CSMD1: variants seen among roughly 807,000 people sequenced by gnomAD.
CSMD1 encodes CUB and Sushi multiple domains 1.
Under a neutral mutation model 417.5 loss-of-function variants are expected in CSMD1, and 213 were observed. That is an observed-to-expected ratio of 0.51 (90% CI 0.46 to 0.57). The LOEUF is 0.57. Among genes scored for constraint, CSMD1 ranks in the 20% least tolerant of loss-of-function variants. CSMD1 has a pLI of 0.00. For missense variants in CSMD1, 6,923 were observed against 4,529.7 expected, an observed-to-expected ratio of 1.53 and a Z score of -15.17; for synonymous variants, 2,862 against 1,736.8, an observed-to-expected ratio of 1.65 and a Z score of -16.11.
intron 2 of CSMD1, among the ~76,000 whole-genome samples, chr8:4,595,296 G>C: frequency 6.6e-6 from 1 of 151,684 alleles, no homozygotes; most frequent in East Asian, 1.9e-4. Context: ...AAAGGAAAGA[G>C]TAGATAAAGG....
intron 25 of CSMD1, among the ~76,000 whole-genome samples, chr8:3,291,345 A>G (rs1211162722): frequency 3.4e-5 from 3 of 87,174 alleles, no homozygotes. Flanking sequence ...CCCATAAAAT[A>G]AGTTAGGGAG....
intron 2 of CSMD1, among the ~76,000 whole-genome samples, chr8:4,620,055 A>C (rs549016284): frequency 1.2e-4 from 18 of 152,058 alleles, no homozygotes; most frequent in Non-Finnish European, 1.5e-4. Flanking sequence ...TGGTGAATGA[A>C]ATATTTATTA....
chr8:3,957,940 C>G (rs948927659), intron 5 of CSMD1, among the ~76,000 whole-genome samples: 5 of 152,086 alleles, frequency 3.3e-5, no homozygotes, highest in African/African-American at 1.2e-4. Context: ...GGCAGCAAAT[C>G]CTGCAGGGTA....
At chr8:3,528,344 G>T (rs886902149) in intron 10 of CSMD1, among the ~76,000 whole-genome samples, 1 of 152,146 alleles carries the variant, frequency 6.6e-6, no homozygotes, top group African/African-American at 2.4e-5. Context: ...TTATACCAAA[G>T]GAAAGGTGAC....
At chr8:3,101,166 A>C (rs1400126239) in intron 46 of CSMD1, among the ~76,000 whole-genome samples, 1 of 151,778 alleles carries the variant, frequency 6.6e-6, no homozygotes, top group Non-Finnish European at 1.5e-5. Flanking sequence ...GTCAGGTCCT[A>C]GTCTAGCTTT....
intron 1 of CSMD1, among the ~76,000 whole-genome samples, chr8:4,698,557 G>C (rs1563165960): frequency 6.6e-6 from 1 of 151,290 alleles, no homozygotes; most frequent in Non-Finnish European, 1.5e-5. Context: ...GACAGGGACA[G>C]ATTTAAAGAT....
chr8:4,942,410 G>GGAATT (rs1808068092), intron 1 of CSMD1, among the ~76,000 whole-genome samples: 1 of 151,874 alleles, frequency 6.6e-6, no homozygotes, highest in Admixed American at 6.6e-5. Context: ...TTGTACTGGA[G>GGAATT]GAATTCACAG....
chr8:4,965,776 A>G (rs1563889183), intron 1 of CSMD1, among the ~76,000 whole-genome samples: 1 of 152,232 alleles, frequency 6.6e-6, no homozygotes. Flanking sequence ...AAAACTGCCC[A>G]GAATTCAATC....
At chr8:3,751,586 G>T (rs573012665) in intron 6 of CSMD1, among the ~76,000 whole-genome samples, 1 of 150,736 alleles carries the variant, frequency 6.6e-6, no homozygotes, top group South Asian at 2.1e-4. Context: ...TAATGTAGTT[G>T]TATTGTTTAT....
chr8:4,449,775 G>T (rs964299542), intron 2 of CSMD1, among the ~76,000 whole-genome samples: 2 of 152,068 alleles, frequency 1.3e-5, no homozygotes, highest in Admixed American at 6.5e-5. Context: ...GTTGGGAGCA[G>T]CTATGTTTGG....
intron 1 of CSMD1, among the ~76,000 whole-genome samples, chr8:4,658,919 T>C (rs572334588): frequency 6.6e-6 from 1 of 152,286 alleles, no homozygotes; most frequent in Non-Finnish European, 1.5e-5. Context: ...AATACGTTGA[T>C]ATTAATAGAA....
At chr8:3,039,002 A>G (rs12550628) in intron 50 of CSMD1, among the ~76,000 whole-genome samples, 75,578 of 151,974 alleles carry the variant, frequency 0.5, 19,088 homozygotes, top group Non-Finnish European at 0.53. Flanking sequence ...GGCGACAAGC[A>G]GACTAGGTCA....
rs190048229 is a variant in CSMD1, at chr8:4,592,046, T to C, written c.302+45296A>G. Among the ~76,000 whole-genome samples the C allele has an allele frequency of 4.2e-3, 634 of 152,166 alleles. 4 individuals carry two copies. Among genetic ancestry groups the C allele is most frequent in the African/African-American group, 0.015 (604 of 41,496 alleles). On this transcript the variant is annotated intron_variant, in intron 2 of 69. Transcript: ENST00000635120. ...GGACCAGTGAATTTCTTATGGACCA[T>C]TGCATCTGAGGTACCGGAGGGACGT...
chr8:3,681,651 G>C (rs192984273), intron 7 of CSMD1, among the ~76,000 whole-genome samples: 3 of 152,222 alleles, frequency 2.0e-5, no homozygotes, highest in East Asian at 3.9e-4. Flanking sequence ...TCCCCATCAA[G>C]CTACCAATGA....
intron 68 of CSMD1, among the ~76,000 whole-genome samples, chr8:2,945,031 G>A (rs1802124376): frequency 1.3e-5 from 2 of 151,846 alleles, no homozygotes; most frequent in Non-Finnish European, 2.9e-5. Flanking sequence ...CATGCCTGCA[G>A]CTCCTAGTTA....
At chr8:3,404,843 A>C (rs1812249829) in intron 15 of CSMD1, among the ~76,000 whole-genome samples, 1 of 152,162 alleles carries the variant, frequency 6.6e-6, no homozygotes, top group Admixed American at 6.6e-5. Flanking sequence ...CTTTGTATTG[A>C]TACCTGTTAT....
chr8:4,758,783 G>T (rs943345724), intron 1 of CSMD1, among the ~76,000 whole-genome samples: 2 of 152,146 alleles, frequency 1.3e-5, no homozygotes, highest in Non-Finnish European at 2.9e-5. Flanking sequence ...TCAATGTCAT[G>T]AGAACAGCAT....
intron 3 of CSMD1, among the ~76,000 whole-genome samples, chr8:4,188,720 A>C (rs576113482): frequency 2.0e-5 from 3 of 152,184 alleles, no homozygotes; most frequent in Non-Finnish European, 4.4e-5. Flanking sequence ...AAAACATAAT[A>C]AACAATTTTT....
chr8:4,333,241 T>G (rs1289762725), intron 3 of CSMD1, among the ~76,000 whole-genome samples: 1 of 152,108 alleles, frequency 6.6e-6, no homozygotes, highest in African/African-American at 2.4e-5. Context: ...CTAGTGACCC[T>G]GGACACAATT....
Sources: allele counts gnomAD v4.1 joint callset (sites outside exome capture counted in the v4.1 genomes callset), GRCh38; gene constraint gnomAD v4.1.1; transcripts MANE v1.5; gene names NCBI Gene and HGNC (gene_info 2026-07-23, HGNC 2026-07-21).